The following KDM2B variants were observed in gnomAD, a reference collection of about 807,000 sequenced individuals.
The protein encoded by KDM2B is lysine demethylase 2B.
A neutral mutation model predicts 150.0 loss-of-function variants in KDM2B; 26 were observed. That is an observed-to-expected ratio of 0.17 (90% CI 0.13 to 0.24). The LOEUF (loss-of-function observed/expected upper bound fraction) is 0.24, where lower values mean the gene tolerates loss of function less well. Among genes scored for constraint, KDM2B ranks in the 10% least tolerant of loss-of-function variants. The pLI is 1.00. For synonymous variants in KDM2B, 734 were observed against 729.5 expected (o/e 1.01, Z -0.10); for missense variants, 1,265 against 1,816.9 (o/e 0.70, Z 5.52).
rs147165525 is a variant in KDM2B, at chr12:121,430,742, A to G, written c.3830-273T>C. 1.6e-4 allele frequency: 90 copies of G among 573,234 alleles called. No individual in the cohort carries two copies. Among genetic ancestry groups the G allele is most frequent in the African/African-American group, 1.4e-3 (74 of 53,790 alleles). The allele number at this position is 573,234 out of a possible 1,614,324, so 35.5% of individuals were successfully genotyped here. A position where few individuals can be genotyped will look rare whatever the true frequency, so the allele number is the denominator to read the frequency against. On this transcript the variant is annotated intron_variant, in intron 22 of 22. Transcript: ENST00000377071. The surrounding 1 kb of genome is among the most constrained non-coding windows in gnomAD (Gnocchi z 4.4). The stretch of plus-strand genomic sequence containing the variant: ...TCTGATTTACCACACAGCTGCCTCT[A>G]TACGTGCGTATGCTCATGTAAGTAG...
chr12:121,510,758 A>T (rs935787870), intron 10 of KDM2B, among the ~76,000 whole-genome samples: 2 of 151,794 alleles, frequency 1.3e-5, no homozygotes, highest in Non-Finnish European at 2.9e-5. Context: ...GCACCACTGC[A>T]CTCCAACCTG....
In KDM2B at chr12:121,430,354, T is replaced by G; in HGVS notation, c.3945A>C (p.Ile1315=). 1 of 1,614,212 alleles carries G rather than the reference T, an allele frequency of 6.2e-7. No individual in the cohort carries two copies. The highest frequency in any genetic ancestry group is 1.7e-5 in the Admixed American group (1 of 60,024). The change falls in exon 23 of 23, where the codon ATA becomes ATC. Residue 1315 remains isoleucine, a synonymous_variant. Transcript: ENST00000377071. This position sits in a 1 kb window ranked among gnomAD's most constrained non-coding sequence, Gnocchi z 4.4. ...ACTGGACACTCACAGACATCTCGGC[T>G]ATGAACTGCTCACAGCCTTCCTTGG... ...QVTKEGCEQF[I]AEMSVSVQFG...
chr12:121,494,623 T>A lies in KDM2B; in HGVS notation c.1690A>T (p.Ile564Phe). ...CAAGTCACCACAGGGACCCCAGTGA[T>A]GGCCAGACTAGGGTCATCATCTGCG... ...EHADDDPSLAITGVPVVTWPK... is the reference protein window; with the variant it reads ...EHADDDPSLAFTGVPVVTWPK... Residue 564 changes from isoleucine (I) to phenylalanine (F), a missense_variant, in exon 12 of 23, where the codon ATC becomes TTC. Ile to Phe is a conservative substitution (Grantham distance 21). Transcript: ENST00000377071. 1 of 1,613,680 alleles carries A rather than the reference T, an allele frequency of 6.2e-7. No homozygotes were observed. Among genetic ancestry groups the A allele is most frequent in the Non-Finnish European group, 8.5e-7 (1 of 1,179,880 alleles).
At chr12:121,436,473 A>G (rs1358022376) in intron 22 of KDM2B, among the ~76,000 whole-genome samples, 1 of 151,692 alleles carries the variant, frequency 6.6e-6, no homozygotes, top group Non-Finnish European at 1.5e-5. Flanking sequence ...GTGAGCCGAG[A>G]TCGCGCAATT....
chr12:121,529,512 G>C (rs1243715260), intron 8 of KDM2B, among the ~76,000 whole-genome samples: 1 of 152,030 alleles, frequency 6.6e-6, no homozygotes, highest in Non-Finnish European at 1.5e-5. Context: ...ACCCTTTCTG[G>C]GTTTCCCAAG....
intron 12 of KDM2B, among the ~76,000 whole-genome samples, chr12:121,493,656 G>A (rs1206057138): frequency 6.6e-6 from 1 of 152,040 alleles, no homozygotes; most frequent in Non-Finnish European, 1.5e-5. Context: ...CGGGTGACTT[G>A]ACCTTTTCAA....
intron 12 of KDM2B, among the ~76,000 whole-genome samples, chr12:121,463,755 C>CT (rs1278965983): frequency 6.6e-6 from 1 of 152,060 alleles, no homozygotes; most frequent in Non-Finnish European, 1.5e-5. Context: ...AATTTTTGTA[C>CT]TTTTTTGTAG....
chr12:121,420,459 T>C, the KDM2B span: 11 of 1,558,970 alleles, frequency 7.1e-6, no homozygotes, highest in Non-Finnish European at 9.6e-6. Flanking sequence ...GACAGTATAC[T>C]GAAACACTTC....
At position 121,440,823 on chromosome 12, in the gene KDM2B, G is replaced by A. The variant is rs1593737588; in HGVS notation, c.3603C>T (p.Asn1201=). The change falls in exon 21 of 23, where the codon AAC becomes AAT. Residue 1201 remains asparagine (N), a synonymous_variant. Coordinates refer to ENST00000377071, the MANE Select transcript of KDM2B (RefSeq NM_032590.5). ...CCCAGCCTGGCAACTCACCTGGCCT[G>A]TTGTCTGTGGGCGGGGACAGGAGAT... is the stretch of plus-strand genomic sequence containing the variant. ...MRDLLSPPTD[N]RPGQMDNRSK... is the part of the protein sequence containing the mutation. 9 of 1,610,332 alleles carry A rather than the reference G, an allele frequency of 5.6e-6. No individual in the cohort carries two copies. Among genetic ancestry groups the A allele is most frequent in the African/African-American group, 1.3e-5 (1 of 74,988 alleles).
intron 15 of KDM2B, 59 bp downstream of exon 15, chr12:121,444,391 G>A: frequency 6.2e-7 from 1 of 1,608,162 alleles, no homozygotes; most frequent in Non-Finnish European, 8.5e-7. Flanking sequence ...GCTGGTCCCG[G>A]CCAGGCCCAG....
At chr12:121,508,366 C>A (rs34875500) in intron 11 of KDM2B, among the ~76,000 whole-genome samples, 2 of 152,168 alleles carry the variant, frequency 1.3e-5, no homozygotes, top group Non-Finnish European at 2.9e-5. Flanking sequence ...GGATTAAGGC[C>A]TGAGCCACCG....
chr12:121,505,660 A>G (rs1301589016), intron 11 of KDM2B, among the ~76,000 whole-genome samples: 1 of 152,172 alleles, frequency 6.6e-6, no homozygotes, highest in Non-Finnish European at 1.5e-5. Context: ...CCAGGGCACT[A>G]GTTACCCTGA....
rs782499372 is a variant in KDM2B at position 121,509,720 on chromosome 12, G to C, written c.1494C>G (p.Pro498=). ...VDYPKTPTGS[P]ATEVSAKWTH... ...TCCATTTGGCAGAGACCTCCGTGGCGGGAGAGCCGGTGGGGGTCTTGGGGT... is the reference window on the plus strand; with the variant it reads ...TCCATTTGGCAGAGACCTCCGTGGCCGGAGAGCCGGTGGGGGTCTTGGGGT... Residue 498 remains proline, a synonymous_variant, in exon 11 of 23, where the codon CCC becomes CCG. Transcript: ENST00000377071. 6.2e-7 allele frequency: 1 copy of C among 1,614,124 alleles called. No individual in the cohort carries two copies. The highest frequency in any genetic ancestry group is 1.1e-5 in the South Asian group (1 of 91,080).
At chr12:121,527,153 T>C (rs904145411) in intron 8 of KDM2B, among the ~76,000 whole-genome samples, 1 of 150,888 alleles carries the variant, frequency 6.6e-6, no homozygotes, top group Non-Finnish European at 1.5e-5. Context: ...GTTCACACCA[T>C]TCTCTGGCCT....
chr12:121,430,828 CTAATA>C lies in KDM2B; in HGVS notation c.3830-364_3830-360del, dbSNP rs1336945635. ...ATGTCAAGTAGCTTGCTTTTCTCAT[CTAATA>C]TGTTGTTGATGAGTACTGCTCTATG... On this transcript the variant is annotated intron_variant, in intron 22 of 22. Coordinates refer to ENST00000377071, the MANE Select transcript of KDM2B (RefSeq NM_032590.5). The surrounding 1 kb of genome is among the most constrained non-coding windows in gnomAD (Gnocchi z 4.4). Among the ~76,000 whole-genome samples the C allele has an allele frequency of 2.6e-5, 4 of 152,182 alleles. No homozygotes were observed. Among genetic ancestry groups the C allele is most frequent in the Admixed American group, 6.5e-5 (1 of 15,272 alleles).
At chr12:121,502,604 G>A (rs1450142798) in intron 11 of KDM2B, among the ~76,000 whole-genome samples, 1 of 151,378 alleles carries the variant, frequency 6.6e-6, no homozygotes, top group African/African-American at 2.4e-5. Context: ...CTGGGCAACA[G>A]AGAGAGACTC....
rs1883805417 is a variant in KDM2B, at chr12:121,495,285, C to T, written c.1648-620G>A. On this transcript the variant is annotated intron_variant, in intron 11 of 22. Coordinates refer to ENST00000377071, the MANE Select transcript of KDM2B (RefSeq NM_032590.5). The stretch of plus-strand genomic sequence containing the variant: ...AAGCGATTTCCCTGCCCCAGCCTCC[C>T]GAGTAGCTGTGAATGCAGGTGTGCA... 2.0e-5 allele frequency among the ~76,000 whole-genome samples: 3 copies of T among 152,028 alleles called. No homozygotes were observed. The South Asian group carries it at 6.2e-4, about 31-fold the overall frequency.
chr12:121,420,619 G>A, the KDM2B span: 2 of 1,614,186 alleles, frequency 1.2e-6, no homozygotes, highest in Non-Finnish European at 1.7e-6. Flanking sequence ...TTCACTGTCT[G>A]ACTTGTCAAG....
chr12:121,544,263 C>A (rs145621543), intron 6 of KDM2B, among the ~76,000 whole-genome samples: 2 of 152,106 alleles, frequency 1.3e-5, no homozygotes, highest in African/African-American at 4.8e-5. Flanking sequence ...CACTACACTG[C>A]AGCCTGGGCA....
Sources: gnomAD v4.1 joint callset for allele counts (sites outside exome capture counted in the v4.1 genomes callset) on GRCh38, gnomAD v4.1.1 for gene constraint, Gnocchi (gnomAD v3.1) non-coding constraint, MANE v1.5 for transcripts, NCBI Gene and HGNC (gene_info 2026-07-23, HGNC 2026-07-21) for gene names.